Variants in PPFIA1 observed in about 807,000 individuals in gnomAD.
PPFIA1 encodes PPFI scaffold protein A1.
PPFIA1 carries 25 observed loss-of-function variants against 149.9 expected under a neutral mutation model. The observed-to-expected ratio is 0.17, with a 90% CI of 0.12 to 0.23. The LOEUF (loss-of-function observed/expected upper bound fraction) is 0.23. Among genes scored for constraint, PPFIA1 ranks in the 10% least tolerant of loss-of-function variants. The pLI, the probability that PPFIA1 is intolerant of heterozygous loss-of-function variation, is 1.00. For missense variants in PPFIA1, 1,362 were observed against 1,506.5 expected (o/e 0.90, Z 1.59); for synonymous variants, 549 against 552.8 (o/e 0.99, Z 0.10).
At chr11:70,382,059 C>T in intron 26 of PPFIA1, 29 bp from the exon 27 acceptor site, 2 of 1,610,430 alleles carry the variant, frequency 1.2e-6, no homozygotes, top group African/African-American at 2.7e-5. Context: ...GCTGTGTTTG[C>T]ACGCTTCCTC....
intron 2 of PPFIA1, among the ~76,000 whole-genome samples, chr11:70,275,475 C>T (rs956202185): frequency 6.6e-6 from 1 of 152,124 alleles, no homozygotes; most frequent in African/African-American, 2.4e-5. Context: ...ATGTTTAATG[C>T]TCTTTGTGTC....
chr11:70,380,451 C>T (rs2135483652), intron 26 of PPFIA1, among the ~76,000 whole-genome samples: 1 of 151,904 alleles, frequency 6.6e-6, no homozygotes, highest in East Asian at 1.9e-4. Context: ...GTGGCAGGCG[C>T]CTGTAGTACC....
chr11:70,281,845 A>T (rs1328466312), intron 2 of PPFIA1, among the ~76,000 whole-genome samples: 1 of 152,118 alleles, frequency 6.6e-6, no homozygotes, highest in African/African-American at 2.4e-5. Flanking sequence ...CTTTCAAGTC[A>T]TACTCACCTT....
intron 2 of PPFIA1, among the ~76,000 whole-genome samples, chr11:70,309,012 A>C (rs988172111): frequency 1.3e-5 from 2 of 152,022 alleles, no homozygotes; most frequent in African/African-American, 4.8e-5. Flanking sequence ...ATTTATTTTT[A>C]TTTTGTTGGT....
chr11:70,358,790 G>A (rs71467485), intron 19 of PPFIA1: 11,473 of 152,280 alleles, frequency 0.075, 524 homozygotes, highest in East Asian at 0.17. Flanking sequence ...CATGGTGGGC[G>A]CGTTTGGTGC....
At chr11:70,318,663 G>A (rs1403704384) in intron 2 of PPFIA1, among the ~76,000 whole-genome samples, 3 of 152,134 alleles carry the variant, frequency 2.0e-5, no homozygotes, top group African/African-American at 7.2e-5. Flanking sequence ...TTTGAACTCA[G>A]TCCAGTGAGG....
chr11:70,329,351 G>A (rs560807998), intron 7 of PPFIA1, among the ~76,000 whole-genome samples: 3 of 152,252 alleles, frequency 2.0e-5, no homozygotes, highest in East Asian at 1.9e-4. Context: ...TTTGTTAATC[G>A]TATAGGTGAA....
rs966916811 is a variant in PPFIA1 at position 70,356,227 on chromosome 11, C to A, written c.2555C>A (p.Ala852Asp). The A allele has an allele frequency of 6.2e-7, 1 of 1,613,384 alleles. No individual in the cohort carries two copies. The highest frequency in any genetic ancestry group is 2.2e-5 in the East Asian group (1 of 44,868). Reference sequence around the variant, plus strand: ...GGACTTAGCAAATTGGGGGGACAGGCTGAAAAAAATCGTAAACTTCAAAAA... The same window carrying A: ...GGACTTAGCAAATTGGGGGGACAGGATGAAAAAAATCGTAAACTTCAAAAA... ...ALGLSKLGGQ[A>D]EKNRKLQKKH... The change falls in exon 19 of 28, where the codon GCT becomes GAT. Residue 852 changes from alanine (A) to aspartate (D), a missense_variant. Coordinates refer to ENST00000253925, the MANE Select transcript of PPFIA1 (RefSeq NM_003626.5).
chr11:70,274,769 A>G (rs538842051), intron 2 of PPFIA1, among the ~76,000 whole-genome samples: 1 of 151,646 alleles, frequency 6.6e-6, no homozygotes, highest in African/African-American at 2.4e-5. Context: ...CCCAGGCTGG[A>G]GTGCAGTGGC....
intron 2 of PPFIA1, among the ~76,000 whole-genome samples, chr11:70,324,088 T>C (rs1248408553): frequency 1.3e-5 from 2 of 152,248 alleles, no homozygotes; most frequent in African/African-American, 4.8e-5. Flanking sequence ...ATTCAGTTCA[T>C]GTCAGGATCC....
At chr11:70,297,658 T>A (rs1266435700) in intron 2 of PPFIA1, among the ~76,000 whole-genome samples, 1 of 152,298 alleles carries the variant, frequency 6.6e-6, no homozygotes, top group African/African-American at 2.4e-5. Flanking sequence ...AGAAAAATTA[T>A]TGTAAGGATT....
At chr11:70,380,874 C>T (rs766749615) in intron 26 of PPFIA1, among the ~76,000 whole-genome samples, 14 of 152,146 alleles carry the variant, frequency 9.2e-5, no homozygotes, top group Non-Finnish European at 1.6e-4. Context: ...CACTCTGTTG[C>T]CCAGGTTGGA....
intron 21 of PPFIA1, among the ~76,000 whole-genome samples, chr11:70,370,520 G>A (rs2057180062): frequency 6.6e-6 from 1 of 151,896 alleles, no homozygotes; most frequent in Non-Finnish European, 1.5e-5. Context: ...CTGAGTAGCT[G>A]GAACTGCAGG....
chr11:70,291,985 G>A lies in PPFIA1; in HGVS notation c.264+19549G>A, dbSNP rs371361948. On this transcript the variant is annotated intron_variant, in intron 2 of 27. Coordinates refer to ENST00000253925, the MANE Select transcript of PPFIA1 (RefSeq NM_003626.5). ...CCCGAGTAGCTGGGACTACAGGTGCGTGCCACCACACCTGGCTAATTTTTT... is the reference window on the plus strand; with the variant it reads ...CCCGAGTAGCTGGGACTACAGGTGCATGCCACCACACCTGGCTAATTTTTT... 7.9e-5 allele frequency among the ~76,000 whole-genome samples: 12 copies of A among 151,854 alleles called. No individual in the cohort carries two copies. In the East Asian group the frequency reaches 1.7e-3, roughly 22 times the overall value.
intron 4 of PPFIA1, 137 bp downstream of exon 4, chr11:70,325,148 A>G: frequency 2.4e-6 from 2 of 817,292 alleles, no homozygotes; most frequent in Non-Finnish European, 3.6e-6. Context: ...AGGGTTTTGT[A>G]GGTTTAAAAA....
chr11:70,343,590 C>A, intron 14 of PPFIA1, 79 bp from the exon 15 acceptor site: 1 of 1,314,110 alleles, frequency 7.6e-7, no homozygotes, highest in Non-Finnish European at 1.1e-6. Context: ...TTAAAGAATT[C>A]CTAAATTTCC....
chr11:70,351,114 G>A (rs867658041), intron 16 of PPFIA1: 9 of 648,600 alleles, frequency 1.4e-5, no homozygotes, highest in Non-Finnish European at 1.9e-5. Context: ...GCATTATGTA[G>A]TTGTATAATA....
intron 10 of PPFIA1, among the ~76,000 whole-genome samples, chr11:70,334,784 G>A (rs987078647): frequency 6.6e-6 from 1 of 152,192 alleles, no homozygotes; most frequent in Non-Finnish European, 1.5e-5. Flanking sequence ...AGCATGACTC[G>A]GGTGCACGTC....
At chr11:70,295,087 G>C (rs373739416) in intron 2 of PPFIA1, among the ~76,000 whole-genome samples, 4 of 152,182 alleles carry the variant, frequency 2.6e-5, no homozygotes, top group Non-Finnish European at 5.9e-5. Flanking sequence ...CCCAGACGGG[G>C]TGGTGGCCGG....
Sources: gnomAD v4.1 joint callset for allele counts (sites outside exome capture counted in the v4.1 genomes callset) on GRCh38, gnomAD v4.1.1 for gene constraint, MANE v1.5 for transcripts, NCBI Gene and HGNC (gene_info 2026-07-23, HGNC 2026-07-21) for gene names.